Variants in NOM1 observed in about 807,000 individuals in gnomAD.
The protein encoded by NOM1 is nucleolar MIF4G domain-containing protein 1.
NOM1 carries 58 observed loss-of-function variants against 73.3 expected under a neutral mutation model. That is an observed-to-expected ratio of 0.79 (90% confidence interval 0.64 to 0.99). NOM1 has a LOEUF of 0.99. Ranked by LOEUF, NOM1 falls within the 50% of genes least tolerant of loss-of-function variation. NOM1 has a pLI of 0.00. For missense variants in NOM1, 1,226 were observed against 1,131.9 expected, an observed-to-expected ratio of 1.08 and a Z score of -1.19; for synonymous variants, 487 against 446.8, an observed-to-expected ratio of 1.09 and a Z score of -1.14.
chr7:156,951,305 T>G (rs1333639131), intron 1 of NOM1, among the ~76,000 whole-genome samples: 1 of 152,012 alleles, frequency 6.6e-6, no homozygotes, highest in East Asian at 1.9e-4. Context: ...AGCTGAGGCT[T>G]GAACCAGGGA....
intron 7 of NOM1, among the ~76,000 whole-genome samples, chr7:156,965,474 A>G (rs565751997): frequency 1.3e-4 from 20 of 152,356 alleles, no homozygotes; most frequent in African/African-American, 3.6e-4. Flanking sequence ...GGCCCACGGC[A>G]AGGGTGGCTC....
intron 3 of NOM1, among the ~76,000 whole-genome samples, chr7:156,957,013 C>T (rs576913232): frequency 2.5e-4 from 35 of 141,034 alleles, no homozygotes; most frequent in African/African-American, 9.0e-4. Context: ...ACCCACAGCA[C>T]ATCAGGAATT....
At chr7:156,968,996 TA>T (rs771189009) in intron 9 of NOM1, 90 bp from the exon 10 acceptor site, 53 of 736,208 alleles carry the variant, frequency 7.2e-5, no homozygotes, top group Non-Finnish European at 1.2e-4. Context: ...GGGGGGAGAT[TA>T]ATTTTTACTC....
intron 5 of NOM1, 42 bp downstream of exon 5, chr7:156,962,303 C>T (rs375814319): frequency 2.3e-5 from 33 of 1,461,154 alleles, no homozygotes; most frequent in African/African-American, 5.6e-5. Flanking sequence ...TCAGAGCTTC[C>T]GTGTCGGCAT....
In NOM1 at chr7:156,964,045, A is replaced by G; in HGVS notation, c.2033+19A>G. 6.2e-7 allele frequency: 1 copy of G among 1,605,790 alleles called. No homozygotes were observed. Among genetic ancestry groups the G allele is most frequent in the East Asian group, 2.2e-5 (1 of 44,788 alleles). On this transcript the variant is annotated intron_variant, in intron 7 of 10. Coordinates refer to ENST00000275820, the MANE Select transcript of NOM1 (RefSeq NM_138400.2). ...TTCTGAAGTAAGCATTTGTGTGCAC[A>G]TTTTGACCTATTAATGAGATGCTGT...
Position 156,950,150 on chromosome 7 carries a change from C to G in NOM1, c.413C>G (p.Pro138Arg), listed in dbSNP as rs753552520. The change falls in exon 1 of 11, where the codon CCC becomes CGC. Residue 138 changes from proline to arginine, a missense_variant. Transcript: ENST00000275820. ...GCCCGCCCAGCCCCTAGTCGGGACC[C>G]CTCGCCTCCCAGGAAGCCGCGGCCG... ...ERARPAPSRD[P>R]SPPRKPRPSR... The G allele has an allele frequency of 6.3e-7, 1 of 1,584,944 alleles. No homozygotes were observed. Among genetic ancestry groups the G allele is most frequent in the Non-Finnish European group, 8.6e-7 (1 of 1,169,194 alleles).
At chr7:156,967,126 G>T in intron 9 of NOM1, 34 bp downstream of exon 9, 1 of 1,603,052 alleles carries the variant, frequency 6.2e-7, no homozygotes, top group Non-Finnish European at 8.5e-7. Flanking sequence ...TGAAAGCAAT[G>T]GAAATGGGAG....
At chr7:156,963,790 C>T (rs142400705) in intron 6 of NOM1, 115 bp from the exon 7 acceptor site, 11 of 1,256,022 alleles carry the variant, frequency 8.8e-6, no homozygotes, top group Admixed American at 2.4e-5. Context: ...TGGTGCCATC[C>T]GCCCACGTAG....
At position 156,950,248 on chromosome 7, in the gene NOM1, C is replaced by T; in HGVS notation, c.511C>T (p.Arg171Trp). The T allele has an allele frequency of 6.2e-7, 1 of 1,613,416 alleles. No homozygotes were observed. Among genetic ancestry groups the T allele is most frequent in the African/African-American group, 1.3e-5 (1 of 75,074 alleles). ...CTCCGCAGCCGCCACCGCCGCTGCC[C>T]GGAAACGGGCGCTTTTAGCGGCGAA... is the stretch of plus-strand genomic sequence containing the variant. Reference protein sequence around the residue: ...RPSAAATAAARKRALLAANEE... With the variant: ...RPSAAATAAAWKRALLAANEE... Residue 171 changes from arginine (R) to tryptophan (W), a missense_variant, in exon 1 of 11, where the codon CGG (arginine) becomes TGG (tryptophan). By Grantham distance (101) the Arg-to-Trp change is moderately radical (BLOSUM62 -3). Transcript: ENST00000275820.
At position 156,950,217 on chromosome 7, in the gene NOM1, C is replaced by A. The variant is rs1266053229; in HGVS notation, c.480C>A (p.Thr160=). 3 of 1,611,720 alleles carry A rather than the reference C, an allele frequency of 1.9e-6. No individual in the cohort carries two copies. Among genetic ancestry groups the A allele is most frequent in the Non-Finnish European group, 2.5e-6 (3 of 1,179,652 alleles). The change falls in exon 1 of 11, where the codon ACC becomes ACA. Residue 160 remains threonine (T), a synonymous_variant. Coordinates refer to ENST00000275820, the MANE Select transcript of NOM1 (RefSeq NM_138400.2). The part of the protein sequence containing the change: ...KAKATAATAK[T]RPSAAATAAA... ...AGGCCACGGCCGCCACCGCAAAGAC[C>A]AGACCCTCCGCAGCCGCCACCGCCG...
chr7:156,967,560 G>C (rs1005972383), intron 9 of NOM1, among the ~76,000 whole-genome samples: 2 of 152,130 alleles, frequency 1.3e-5, no homozygotes, highest in African/African-American at 4.8e-5. Context: ...CAAGATGGGA[G>C]TTGCTCTGTC....
At chr7:156,950,781 G>A in intron 1 of NOM1, 57 bp downstream of exon 1, 1 of 1,450,700 alleles carries the variant, frequency 6.9e-7, no homozygotes, top group Non-Finnish European at 9.3e-7. Context: ...AACGGGACAG[G>A]GAATGGGGCG....
intron 9 of NOM1, among the ~76,000 whole-genome samples, chr7:156,967,552 A>G (rs1440741983): frequency 1.3e-5 from 2 of 152,086 alleles, no homozygotes; most frequent in African/African-American, 2.4e-5. Context: ...TCCCCCCCCA[A>G]GATGGGAGTT....
rs1056684195 is a variant in NOM1, at chr7:156,971,945, A to G, written c.*2242A>G. 1 of 152,236 alleles carries G rather than the reference A, an allele frequency of 6.6e-6. No individual in the cohort carries two copies. The highest frequency in any genetic ancestry group is 6.5e-5 in the Admixed American group (1 of 15,280). 9.4% of individuals were successfully genotyped at this position (152,236 alleles called of 1,614,324 possible). On this transcript the variant is annotated 3_prime_UTR_variant, in exon 11 of 11. Transcript: ENST00000275820. Reference sequence around the variant, plus strand: ...TACTAAGAGAAGAGTGAATTAAGTGAAAATCTTCCCTTTGTTAAGGAGCTT... The same window carrying G: ...TACTAAGAGAAGAGTGAATTAAGTGGAAATCTTCCCTTTGTTAAGGAGCTT...
chr7:156,957,813 A>T (rs1239317985), intron 3 of NOM1, among the ~76,000 whole-genome samples: 1 of 150,816 alleles, frequency 6.6e-6, no homozygotes, highest in South Asian at 2.1e-4. Flanking sequence ...AAAAGAAAAT[A>T]TACATGAATA....
At chr7:156,962,391 A>C in intron 5 of NOM1, 130 bp downstream of exon 5, 2 of 743,658 alleles carry the variant, frequency 2.7e-6, no homozygotes. Flanking sequence ...GCTCAGAGGC[A>C]GAGTGAACGC....
In NOM1 at chr7:156,963,105, C is replaced by T; in HGVS notation, c.1841C>T (p.Ser614Phe). 6.2e-7 allele frequency: 1 copy of T among 1,614,204 alleles called. No homozygotes were observed. Among genetic ancestry groups the T allele is most frequent in the African/African-American group, 1.3e-5 (1 of 75,056 alleles). Residue 614 changes from serine (S) to phenylalanine (F), a missense_variant, in exon 6 of 11, where the codon TCC becomes TTC. Coordinates refer to ENST00000275820, the MANE Select transcript of NOM1 (RefSeq NM_138400.2). ...ACGGGTCGCTGGTGGATTGTGGGGT[C>T]CGCCTGGAGTGGGGCCCCGATGATC... ...EQTGRWWIVG[S>F]AWSGAPMIDN... is the part of the protein sequence containing the mutation.
Position 156,949,820 on chromosome 7 carries a change from G to A in NOM1, c.83G>A (p.Arg28His). Residue 28 changes from arginine (R) to histidine (H), a missense_variant, in exon 1 of 11, where the codon CGC becomes CAC. By Grantham distance (29) the Arg-to-His change is conservative (BLOSUM62 0). Coordinates refer to ENST00000275820, the MANE Select transcript of NOM1 (RefSeq NM_138400.2). ...GTCCGCATGAAGCGCAGAGGCGGGC[G>A]CGGGCCGCGCCGCGGTCCTGCTGGC... is the stretch of plus-strand genomic sequence containing the variant. ...RVVRMKRRGG[R>H]GPRRGPAGGG... 6.9e-7 allele frequency: 1 copy of A among 1,445,972 alleles called. No individual in the cohort carries two copies. The highest frequency in any genetic ancestry group is 9.1e-7 in the Non-Finnish European group (1 of 1,102,192). The allele number at this position is 1,445,972 out of a possible 1,614,324, so 89.6% of individuals were successfully genotyped here.
At chr7:156,957,041 T>G (rs151029646) in intron 3 of NOM1, among the ~76,000 whole-genome samples, 7 of 152,262 alleles carry the variant, frequency 4.6e-5, no homozygotes, top group African/African-American at 1.7e-4. Flanking sequence ...TTGGAAAACA[T>G]GAGATAATTG....
Sources: gnomAD v4.1 joint callset for allele counts (sites outside exome capture counted in the v4.1 genomes callset) on GRCh38, gnomAD v4.1.1 for gene constraint, MANE v1.5 for transcripts, NCBI Gene and HGNC (gene_info 2026-07-23, HGNC 2026-07-21) for gene names.